Variants in FHOD3 observed in about 807,000 individuals in gnomAD.
FHOD3 encodes formin homology 2 domain containing 3.
FHOD3 carries 90 observed loss-of-function variants against 173.0 expected under a neutral mutation model. The observed-to-expected ratio is 0.52, with a 90% CI of 0.44 to 0.62. The LOEUF is 0.62. Among genes scored for constraint, FHOD3 ranks in the 20% least tolerant of loss-of-function variants. FHOD3 has a pLI of 0.00. For synonymous variants in FHOD3, 828 were observed against 823.0 expected (o/e 1.01, Z -0.10); for missense variants, 1,945 against 2,034.7 (o/e 0.96, Z 0.85).
chr18:36,325,394 A>C (rs2044619229), intron 1 of FHOD3, among the ~76,000 whole-genome samples: 1 of 152,234 alleles, frequency 6.6e-6, no homozygotes. Flanking sequence ...GGAATTTGCT[A>C]TCTGGAAGAG....
At chr18:36,764,088 A>C (rs1039702278) in intron 27 of FHOD3, among the ~76,000 whole-genome samples, 5 of 152,096 alleles carry the variant, frequency 3.3e-5, no homozygotes, top group South Asian at 2.1e-4. Context: ...ATACATTCTG[A>C]TTGTCTGGTT....
chr18:36,724,791 G>C (rs956485901), intron 19 of FHOD3, among the ~76,000 whole-genome samples: 1 of 152,200 alleles, frequency 6.6e-6, no homozygotes, highest in African/African-American at 2.4e-5. Context: ...TCCGGAGACT[G>C]TCTTTCCTCC....
At chr18:36,762,216 T>C (rs1238528780) in intron 27 of FHOD3, among the ~76,000 whole-genome samples, 1 of 152,186 alleles carries the variant, frequency 6.6e-6, no homozygotes, top group African/African-American at 2.4e-5. Flanking sequence ...AATGCAGCTT[T>C]GAGTTTTCTT....
chr18:36,622,407 G>A (rs756085280), intron 9 of FHOD3, among the ~76,000 whole-genome samples: 10 of 152,162 alleles, frequency 6.6e-5, no homozygotes, highest in Non-Finnish European at 1.3e-4. Flanking sequence ...CTCAAAGACT[G>A]GTAGAAGTGG....
chr18:36,604,140 T>A (rs1427780110), intron 8 of FHOD3, among the ~76,000 whole-genome samples: 2 of 152,112 alleles, frequency 1.3e-5, no homozygotes, highest in Non-Finnish European at 1.5e-5. Flanking sequence ...GGTCTGGAGT[T>A]TCTCCATTTG....
chr18:36,583,913 C>T (rs1192751942), intron 6 of FHOD3, among the ~76,000 whole-genome samples: 10 of 152,160 alleles, frequency 6.6e-5, no homozygotes, highest in Admixed American at 6.6e-4. Context: ...GCAGCCTCAA[C>T]AGCCCAGGCT....
At chr18:36,500,527 CT>C (rs550160841) in intron 3 of FHOD3, among the ~76,000 whole-genome samples, 47 of 152,280 alleles carry the variant, frequency 3.1e-4, no homozygotes, top group African/African-American at 1.1e-3. Flanking sequence ...TTTTGAATGC[CT>C]TTATTATATC....
chr18:36,777,198 C>CT (rs11294880), intron 28 of FHOD3, among the ~76,000 whole-genome samples: 5,335 of 108,782 alleles, frequency 0.049, 328 homozygotes, highest in African/African-American at 0.14. Flanking sequence ...TCTTCTTTTT[C>CT]TTTTTTTTTT....
intron 15 of FHOD3, among the ~76,000 whole-genome samples, chr18:36,685,140 T>C (rs144503012): frequency 2.6e-5 from 4 of 152,230 alleles, no homozygotes; most frequent in Admixed American, 2.6e-4. Flanking sequence ...GTTATTCATA[T>C]GTATATGTTG....
chr18:36,503,789 G>A (rs1439511550), intron 4 of FHOD3, among the ~76,000 whole-genome samples: 1 of 152,162 alleles, frequency 6.6e-6, no homozygotes, highest in Non-Finnish European at 1.5e-5. Context: ...GGATTTCTCA[G>A]CATAACATGG....
chr18:36,450,487 A>G (rs28579436), intron 3 of FHOD3, among the ~76,000 whole-genome samples: 1 of 149,740 alleles, frequency 6.7e-6, no homozygotes, highest in South Asian at 2.1e-4. Context: ...TTATTTATTT[A>G]ATTTTTAAAG....
intron 19 of FHOD3, among the ~76,000 whole-genome samples, chr18:36,724,174 A>T (rs1808394722): frequency 6.6e-6 from 1 of 152,236 alleles, no homozygotes; most frequent in African/African-American, 2.4e-5. Flanking sequence ...GCATTTTGCC[A>T]TCTGTGTGCA....
At chr18:36,445,597 T>C (rs1168174346) in intron 3 of FHOD3, among the ~76,000 whole-genome samples, 1 of 152,212 alleles carries the variant, frequency 6.6e-6, no homozygotes. Flanking sequence ...TCAATTTATT[T>C]GAAGTAGGAA....
At chr18:36,375,125 C>T (rs960442810) in intron 3 of FHOD3, among the ~76,000 whole-genome samples, 1 of 152,174 alleles carries the variant, frequency 6.6e-6, no homozygotes, top group Non-Finnish European at 1.5e-5. Flanking sequence ...GTACCTTCCC[C>T]TATTGTGACA....
intron 3 of FHOD3, among the ~76,000 whole-genome samples, chr18:36,388,988 G>A (rs1297003662): frequency 6.6e-6 from 1 of 152,000 alleles, no homozygotes; most frequent in African/African-American, 2.4e-5. Context: ...CAGGATGGGG[G>A]GGCCCTGATA....
At chr18:36,577,756 C>T (rs72893896) in intron 6 of FHOD3, among the ~76,000 whole-genome samples, 7,127 of 152,336 alleles carry the variant, frequency 0.047, 217 homozygotes, top group Middle Eastern at 0.14. Flanking sequence ...CCACCAGCCA[C>T]GCCTTGGCTG....
chr18:36,361,181 C>T (rs1287055884), intron 2 of FHOD3, among the ~76,000 whole-genome samples: 1 of 152,022 alleles, frequency 6.6e-6, no homozygotes. Flanking sequence ...CTATGCAAGG[C>T]TCAAAGTGGA....
At chr18:36,694,978 T>TGTGG (rs1372615462) in intron 17 of FHOD3, among the ~76,000 whole-genome samples, 2 of 148,844 alleles carry the variant, frequency 1.3e-5, no homozygotes, top group East Asian at 3.9e-4. Context: ...TATACGTGGG[T>TGTGG]GTGTGTGTGT....
intron 3 of FHOD3, among the ~76,000 whole-genome samples, chr18:36,487,270 C>T (rs772383627): frequency 6.6e-6 from 1 of 152,224 alleles, no homozygotes; most frequent in Non-Finnish European, 1.5e-5. Context: ...ACCAGCAGAG[C>T]GTCAGGTTCC....
Sources: gnomAD v4.1 joint callset for allele counts (sites outside exome capture counted in the v4.1 genomes callset) on GRCh38, gnomAD v4.1.1 for gene constraint, MANE v1.5 for transcripts, NCBI Gene and HGNC (gene_info 2026-07-23, HGNC 2026-07-21) for gene names.